The following OTUB1 variants were observed in gnomAD, a reference collection of about 807,000 sequenced individuals.
The protein encoded by OTUB1 is ubiquitin thioesterase OTUB1.
A neutral mutation model predicts 35.8 loss-of-function variants in OTUB1; 10 were observed. That is an observed-to-expected ratio of 0.28 (90% CI 0.17 to 0.47). The LOEUF is 0.47. Ranked by LOEUF, OTUB1 falls within the 20% of genes least tolerant of loss-of-function variation. The probability of loss-of-function intolerance (pLI) is 0.99; values close to 1 mark genes in which losing one functional copy is unlikely to be tolerated. For synonymous variants in OTUB1, 158 were observed against 143.8 expected (o/e 1.10, Z -0.71); for missense variants, 264 against 351.6 (o/e 0.75, Z 1.99).
intron 5 of OTUB1, 29 bp from the exon 6 acceptor site, chr11:63,997,021 T>C (rs369988441): frequency 9.3e-6 from 15 of 1,612,496 alleles, no homozygotes; most frequent in African/African-American, 8.0e-5. Flanking sequence ...CTCCCCGTCA[T>C]CTTGCCCTTT....
chr11:63,997,307 C>T (rs749215960), intron 6 of OTUB1, 42 bp from the exon 7 acceptor site: 27 of 1,611,466 alleles, frequency 1.7e-5, no homozygotes, highest in Admixed American at 6.7e-5. Context: ...GGGCCTGGGG[C>T]GGGGTGCGGA....
chr11:63,997,336 A>T lies in OTUB1; in HGVS notation c.619-13A>T. On this transcript the variant is annotated splice_polypyrimidine_tract_variant and intron_variant, in intron 6 of 6. Transcript: ENST00000538426. ...GTGCGGAGACCAGGGCCTGACCGGC[A>T]CCTGTGCCACAGGAGGTGGAGCCCA... 6.2e-7 allele frequency: 1 copy of T among 1,613,792 alleles called. No individual in the cohort carries two copies. Among genetic ancestry groups the T allele is most frequent in the Non-Finnish European group, 8.5e-7 (1 of 1,179,884 alleles).
At chr11:63,996,114 G>C (rs1236794527) in intron 3 of OTUB1, among the ~76,000 whole-genome samples, 1 of 152,292 alleles carries the variant, frequency 6.6e-6, no homozygotes, top group East Asian at 1.9e-4. Flanking sequence ...GGGCTGAGCT[G>C]GGCTGTGCAG....
intron 3 of OTUB1, chr11:63,990,589 A>AAATAAAT (rs1565184886): frequency 7.3e-6 from 1 of 137,106 alleles, no homozygotes; most frequent in African/African-American, 2.7e-5. Flanking sequence ...GTCTCTTAAA[A>AAATAAAT]AAATAAAAAA....
At chr11:63,991,776 G>A (rs1038362962) in intron 3 of OTUB1, among the ~76,000 whole-genome samples, 3 of 152,176 alleles carry the variant, frequency 2.0e-5, no homozygotes, top group African/African-American at 7.2e-5. Flanking sequence ...TGGTCCAGGC[G>A]CTGTTCTAGG....
chr11:63,988,981 TC>T (rs773679684), intron 3 of OTUB1: 4 of 389,768 alleles, frequency 1.0e-5, no homozygotes, highest in Non-Finnish European at 1.8e-5. Context: ...ACCATTGCAC[TC>T]CAGCCTGGGT....
intron 1 of OTUB1, 45 bp from the exon 2 acceptor site, chr11:63,988,292 A>T (rs1264765832): frequency 1.3e-6 from 2 of 1,508,516 alleles, no homozygotes; most frequent in Admixed American, 3.9e-5. Context: ...TGCAGTGGAG[A>T]TGGCCAGGAC....
chr11:63,996,570 C>G lies in OTUB1; in HGVS notation c.260C>G (p.Pro87Arg), dbSNP rs1565186492. Reference protein sequence around the residue: ...KKYSYIRKTRPDGNCFYRAFG... With the variant: ...KKYSYIRKTRRDGNCFYRAFG... ...TACTCGTACATCCGCAAGACCAGGC[C>G]TGACGGCAACTGTTTCTATCGGGCT... The change falls in exon 4 of 7, where the codon CCT becomes CGT. Residue 87 changes from proline to arginine, a missense_variant. By Grantham distance (103) the Pro-to-Arg change is moderately radical. Coordinates refer to ENST00000538426, the MANE Select transcript of OTUB1 (RefSeq NM_017670.3). 6.2e-7 allele frequency: 1 copy of G among 1,614,136 alleles called. No homozygotes were observed. Among genetic ancestry groups the G allele is most frequent in the Non-Finnish European group, 8.5e-7 (1 of 1,180,046 alleles).
At chr11:63,996,335 C>T (rs1942716368) in intron 3 of OTUB1, among the ~76,000 whole-genome samples, 195 bp from the exon 4 acceptor site, 2 of 152,238 alleles carry the variant, frequency 1.3e-5, no homozygotes, top group South Asian at 2.1e-4. Context: ...TTCCTGCCGT[C>T]TTTTGGGAGG....
At chr11:63,986,750 CGT>C (rs1565183763) in intron 1 of OTUB1, 1 of 506,044 alleles carries the variant, frequency 2.0e-6, no homozygotes, top group African/African-American at 2.0e-5. Context: ...CCTTCTCCAT[CGT>C]GTGCGCCCGG....
chr11:63,997,196 C>T lies in OTUB1; in HGVS notation c.570C>T (p.Phe190=), dbSNP rs532509714. The T allele has an allele frequency of 1.4e-5, 23 of 1,614,082 alleles. No homozygotes were observed. The highest frequency in any genetic ancestry group is 1.7e-5 in the Non-Finnish European group (20 of 1,180,022). The change falls in exon 6 of 7, where the codon TTC becomes TTT. Residue 190 remains phenylalanine, a synonymous_variant. Transcript: ENST00000538426. ...SGYLQRESKF[F]EHFIEGGRTV... ...ACCTGCAGCGCGAGAGCAAGTTCTT[C>T]GAGCACTTCATCGAGGGTGGACGGA...
chr11:63,997,485 G>A lies in OTUB1; in HGVS notation c.755G>A (p.Gly252Asp), dbSNP rs779780540. The change falls in exon 7 of 7, where the codon GGC becomes GAC. Residue 252 changes from glycine to aspartate, a missense_variant. Transcript: ENST00000538426. ...ACCAATCCGCACATCTTCCCTGAGG[G>A]CTCCGAGCCCAAGGTCTACCTTCTC... ...GTTNPHIFPE[G>D]SEPKVYLLYR... is the part of the protein sequence containing the mutation. The A allele has an allele frequency of 7.4e-6, 12 of 1,614,000 alleles. No individual in the cohort carries two copies. Among genetic ancestry groups the A allele is most frequent in the Non-Finnish European group, 4.2e-6 (5 of 1,180,028 alleles).
intron 4 of OTUB1, 41 bp downstream of exon 4, chr11:63,996,689 C>G (rs1470129001): frequency 6.2e-7 from 1 of 1,613,998 alleles, no homozygotes; most frequent in Non-Finnish European, 8.5e-7. Flanking sequence ...AGGTGGGTGT[C>G]TACCTCCTCC....
chr11:63,995,357 G>T (rs904190034), intron 3 of OTUB1, among the ~76,000 whole-genome samples: 3 of 152,064 alleles, frequency 2.0e-5, no homozygotes, highest in Non-Finnish European at 4.4e-5. Flanking sequence ...CCACCATGCC[G>T]AGCTAATTTT....
In OTUB1 at chr11:63,996,622, G is replaced by A; in HGVS notation, c.312G>A (p.Leu104=). 6.2e-7 allele frequency: 1 copy of A among 1,614,258 alleles called. No individual in the cohort carries two copies. Among genetic ancestry groups the A allele is most frequent in the Non-Finnish European group, 8.5e-7 (1 of 1,180,048 alleles). Residue 104 remains leucine (L), a synonymous_variant, in exon 4 of 7, where the codon CTG becomes CTA. Coordinates refer to ENST00000538426, the MANE Select transcript of OTUB1 (RefSeq NM_017670.3). ...RAFGFSHLEA[L]LDDSKELQRF... ...TCGGATTCTCCCACTTGGAGGCACT[G>A]CTGGATGACAGCAAGGAGTTGCAGC...
intron 4 of OTUB1, 64 bp downstream of exon 4, chr11:63,996,712 G>A (rs749511360): frequency 6.2e-7 from 1 of 1,613,274 alleles, no homozygotes; most frequent in South Asian, 1.1e-5. Context: ...GGGCGAGTAG[G>A]ATGTGTCTCG....
chr11:63,991,215 C>T (rs974045934), intron 3 of OTUB1, among the ~76,000 whole-genome samples: 1 of 152,174 alleles, frequency 6.6e-6, no homozygotes, highest in Non-Finnish European at 1.5e-5. Flanking sequence ...ACATTGTCTG[C>T]CTCACAGGGC....
At chr11:63,988,856 G>T in intron 3 of OTUB1, 104 bp downstream of exon 3, 1 of 726,544 alleles carries the variant, frequency 1.4e-6, no homozygotes, top group East Asian at 2.5e-5. Flanking sequence ...AGGGAGTAGG[G>T]TGTTGGAGGA....
intron 3 of OTUB1, chr11:63,989,579 T>C (rs1942651747): frequency 6.6e-6 from 1 of 150,548 alleles, no homozygotes; most frequent in Non-Finnish European, 1.5e-5. Context: ...ATACAAAAAT[T>C]AGCTGGGAGT....
Sources: allele counts gnomAD v4.1 joint callset (sites outside exome capture counted in the v4.1 genomes callset), GRCh38; gene constraint gnomAD v4.1.1; transcripts MANE v1.5; gene names NCBI Gene and HGNC (gene_info 2026-07-23, HGNC 2026-07-21).